Variants in MGAT5 observed in about 807,000 individuals in gnomAD.
MGAT5 encodes the protein alpha-1,6-mannosylglycoprotein 6-beta-N-acetylglucosaminyltransferase A.
A neutral mutation model predicts 94.3 loss-of-function variants in MGAT5; 30 were observed. The ratio of observed to expected loss-of-function variants is 0.32; its 90% confidence interval spans 0.24 to 0.43. MGAT5 has a LOEUF of 0.43. MGAT5 is among the 20% of genes least tolerant of loss of function. The pLI, the probability that MGAT5 is intolerant of heterozygous loss-of-function variation, is 1.00. For missense variants in MGAT5, 691 were observed against 905.5 expected, an observed-to-expected ratio of 0.76 and a Z score of 3.04; for synonymous variants, 310 against 322.9, an observed-to-expected ratio of 0.96 and a Z score of 0.43.
At chr2:134,206,425 G>T (rs1203175569) in intron 1 of MGAT5, among the ~76,000 whole-genome samples, 1 of 152,166 alleles carries the variant, frequency 6.6e-6, no homozygotes, top group African/African-American at 2.4e-5. Flanking sequence ...GCACACATTT[G>T]AGAGACAGGA....
At chr2:134,384,060 T>C (rs1328168659) in intron 10 of MGAT5, among the ~76,000 whole-genome samples, 1 of 152,146 alleles carries the variant, frequency 6.6e-6, no homozygotes, top group African/African-American at 2.4e-5. Context: ...TTTTATGTAA[T>C]TCACATTTCA....
rs145717129 is a variant in MGAT5, at chr2:134,374,857, G to A, written c.1380+12449G>A. 5.0e-3 allele frequency among the ~76,000 whole-genome samples: 759 copies of A among 152,320 alleles called. 2 individuals carry two copies. The highest frequency in any genetic ancestry group is 8.5e-3 in the Non-Finnish European group (576 of 68,034). ...AAAATACATAAATTAACTGGGTGTG[G>A]TGATATGCTCCTGTGGTCCCAGCTA... On this transcript the variant is annotated intron_variant, in intron 10 of 15. Transcript: ENST00000281923.
At chr2:134,397,755 GACA>G (rs1312993739) in intron 10 of MGAT5, among the ~76,000 whole-genome samples, 1 of 152,166 alleles carries the variant, frequency 6.6e-6, no homozygotes, top group Non-Finnish European at 1.5e-5. Flanking sequence ...CCACTGTTGA[GACA>G]ACGAGCCCAG....
At position 134,306,424 on chromosome 2, in the gene MGAT5, C is replaced by T. The variant is rs76429075; in HGVS notation, c.407-11105C>T. 7.6e-3 allele frequency among the ~76,000 whole-genome samples: 1,153 copies of T among 152,092 alleles called. 13 individuals are homozygous for T. Among genetic ancestry groups the T allele is most frequent in the African/African-American group, 0.026 (1,096 of 41,490 alleles). ...TGAAAAAGATCTAAAGCATTTTTGTCGTTGACTATACCTCATACCCCACCA... is the reference window on the plus strand; with the variant it reads ...TGAAAAAGATCTAAAGCATTTTTGTTGTTGACTATACCTCATACCCCACCA... On this transcript the variant is annotated intron_variant, in intron 2 of 15. Coordinates refer to ENST00000281923, the MANE Select transcript of MGAT5 (RefSeq NM_002410.5).
chr2:134,217,795 C>T (rs190641367), intron 1 of MGAT5, among the ~76,000 whole-genome samples: 1 of 152,234 alleles, frequency 6.6e-6, no homozygotes, highest in East Asian at 1.9e-4. Flanking sequence ...TGTTTAGTTC[C>T]ACCAGATGAG....
rs149877815 is a variant in MGAT5, at chr2:134,318,685, C to T, written c.519C>T (p.Tyr173=). 56 of 1,613,442 alleles carry T rather than the reference C, an allele frequency of 3.5e-5. 2 individuals are homozygous for T. Among genetic ancestry groups the T allele is most frequent in the Middle Eastern group, 1.6e-4 (1 of 6,072 alleles). Residue 173 remains tyrosine (Y), a synonymous_variant, in exon 4 of 16, where the codon TAC becomes TAT. Transcript: ENST00000281923. ...ACATGTGGCGTTCAGATCCCTGCTACGCAGACTATGGAGTGGATGGATCCA... is the reference window on the plus strand; with the variant it reads ...ACATGTGGCGTTCAGATCCCTGCTATGCAGACTATGGAGTGGATGGATCCA... ...MKDMWRSDPC[Y]ADYGVDGSTC...
rs1437046429 is a variant in MGAT5, at chr2:134,453,527, CAAT to C, written c.*4685_*4687del. ...AAAGTTAACAGTATTCCTTTGAATG[CAAT>C]AATAGAGGCTTTTCTGCGTTAAGGG... is the stretch of plus-strand genomic sequence containing the variant. On this transcript the variant is annotated 3_prime_UTR_variant, in exon 16 of 16. Transcript: ENST00000281923. The C allele has an allele frequency of 6.6e-6, 1 of 152,156 alleles. No individual in the cohort carries two copies. Among genetic ancestry groups the C allele is most frequent in the Admixed American group, 6.5e-5 (1 of 15,274 alleles). 9.4% of individuals were successfully genotyped at this position (152,156 alleles called of 1,614,324 possible).
At chr2:134,272,847 A>G (rs1253882796) in intron 2 of MGAT5, among the ~76,000 whole-genome samples, 2 of 152,192 alleles carry the variant, frequency 1.3e-5, no homozygotes, top group Non-Finnish European at 2.9e-5. Context: ...GTAAATTATC[A>G]TAAAGGCATG....
intron 10 of MGAT5, among the ~76,000 whole-genome samples, chr2:134,382,471 T>C (rs1681696984): frequency 6.6e-6 from 1 of 152,126 alleles, no homozygotes; most frequent in Non-Finnish European, 1.5e-5. Context: ...CTGAAAATCA[T>C]GGGTGGAACT....
intron 1 of MGAT5, among the ~76,000 whole-genome samples, chr2:134,213,800 T>C (rs1241454529): frequency 6.7e-6 from 1 of 149,010 alleles, no homozygotes; most frequent in African/African-American, 2.6e-5. Context: ...CACAGGAGCC[T>C]CTGTCCTTGT....
At chr2:134,208,752 T>C (rs1430430123) in intron 1 of MGAT5, among the ~76,000 whole-genome samples, 1 of 152,234 alleles carries the variant, frequency 6.6e-6, no homozygotes, top group Non-Finnish European at 1.5e-5. Context: ...ACTTAATATC[T>C]AGGGAATGTA....
At chr2:134,367,697 G>A (rs890634863) in intron 10 of MGAT5, among the ~76,000 whole-genome samples, 4 of 152,188 alleles carry the variant, frequency 2.6e-5, no homozygotes, top group Admixed American at 2.6e-4. Context: ...GTATTCTTCT[G>A]TATGATTGAG....
chr2:134,253,496 T>C (rs1682742296), upstream of MGAT5, among the ~76,000 whole-genome samples: 1 of 152,202 alleles, frequency 6.6e-6, no homozygotes, highest in Admixed American at 6.5e-5. Context: ...CTCTGCCTTT[T>C]AATGTCTCAT....
chr2:134,415,408 G>A (rs562765826), intron 12 of MGAT5, among the ~76,000 whole-genome samples: 4 of 152,138 alleles, frequency 2.6e-5, no homozygotes, highest in Non-Finnish European at 5.9e-5. Flanking sequence ...TTTGCCTTGT[G>A]TATGTCTTCT....
At chr2:134,446,484 A>G (rs1452287376) in intron 15 of MGAT5, among the ~76,000 whole-genome samples, 1 of 152,126 alleles carries the variant, frequency 6.6e-6, no homozygotes, top group Non-Finnish European at 1.5e-5. Context: ...GTCATGTTCC[A>G]TATGTAAACT....
intron 1 of MGAT5, among the ~76,000 whole-genome samples, chr2:134,258,598 GTC>G (rs757690032): frequency 6.6e-6 from 1 of 152,108 alleles, no homozygotes; most frequent in East Asian, 1.9e-4. Context: ...CTCTGGGTGA[GTC>G]TCTCTCTCTA....
chr2:134,374,591 C>T (rs1052019931), intron 10 of MGAT5, among the ~76,000 whole-genome samples: 8 of 152,142 alleles, frequency 5.3e-5, no homozygotes, highest in Non-Finnish European at 1.2e-4. Flanking sequence ...TGTTTAGCAT[C>T]GATACACAAT....
intron 6 of MGAT5, among the ~76,000 whole-genome samples, chr2:134,338,731 C>T (rs935480): frequency 0.62 from 94,600 of 151,934 alleles, 30,829 homozygotes; most frequent in Admixed American, 0.72. Flanking sequence ...ATCCAACCTT[C>T]GAGAGCTTCC....
intron 1 of MGAT5, among the ~76,000 whole-genome samples, chr2:134,128,591 C>T (rs1352642865): frequency 6.6e-6 from 1 of 151,810 alleles, no homozygotes; most frequent in Non-Finnish European, 1.5e-5. Flanking sequence ...CAGGGTCTTT[C>T]TCTGTCACCC....
Sources: allele counts gnomAD v4.1 joint callset (sites outside exome capture counted in the v4.1 genomes callset), GRCh38; gene constraint gnomAD v4.1.1; transcripts MANE v1.5; gene names NCBI Gene and HGNC (gene_info 2026-07-23, HGNC 2026-07-21).